The following CPXM2 variants were observed in gnomAD, a reference collection of about 807,000 sequenced individuals.
CPXM2 encodes inactive carboxypeptidase-like protein X2.
A neutral mutation model predicts 86.1 loss-of-function variants in CPXM2; 66 were observed. That is an observed-to-expected ratio of 0.77 (90% CI 0.63 to 0.94). The LOEUF is 0.94. Among genes scored for constraint, CPXM2 ranks in the 40% least tolerant of loss-of-function variants. CPXM2 has a pLI of 0.00. For synonymous variants in CPXM2, 388 were observed against 400.2 expected (o/e 0.97, Z 0.36); for missense variants, 948 against 1,026.3 (o/e 0.92, Z 1.04).
intron 6 of CPXM2, among the ~76,000 whole-genome samples, chr10:123,787,481 C>T (rs1027771603): frequency 2.6e-5 from 4 of 152,096 alleles, no homozygotes; most frequent in Admixed American, 1.3e-4. Context: ...TTACAGGCAC[C>T]CACCACCACG....
intron 2 of CPXM2, among the ~76,000 whole-genome samples, chr10:123,898,755 C>A (rs759360722): frequency 1.1e-3 from 161 of 152,166 alleles, no homozygotes; most frequent in Non-Finnish European, 1.8e-3. Flanking sequence ...CTTTCTTTTT[C>A]TTTTTTAAGA....
upstream of CPXM2, among the ~76,000 whole-genome samples, chr10:123,942,396 C>G (rs771957424): frequency 9.2e-5 from 14 of 152,082 alleles, no homozygotes; most frequent in Non-Finnish European, 1.8e-4. Context: ...TCACAAAGAC[C>G]CCGCTAATGA....
At chr10:123,763,103 G>C (rs759945554) in intron 10 of CPXM2, among the ~76,000 whole-genome samples, 4 of 152,028 alleles carry the variant, frequency 2.6e-5, no homozygotes, top group Admixed American at 2.0e-4. Context: ...GCAGTGGCGC[G>C]ATCTTGGCTC....
chr10:123,920,061 C>G (rs998457278), intron 2 of CPXM2, among the ~76,000 whole-genome samples: 1 of 152,190 alleles, frequency 6.6e-6, no homozygotes, highest in South Asian at 2.1e-4. Flanking sequence ...CCTTTTCCAA[C>G]AGCAGGGGAT....
chr10:123,944,077 C>T (rs1323771441), upstream of CPXM2, among the ~76,000 whole-genome samples: 1 of 152,194 alleles, frequency 6.6e-6, no homozygotes, highest in Non-Finnish European at 1.5e-5. Context: ...ATGATGTTTG[C>T]AAAGGCCCCG....
At chr10:123,752,533 A>G (rs1253143138) in intron 13 of CPXM2, 1 of 985,332 alleles carries the variant, frequency 1.0e-6, no homozygotes, top group African/African-American at 1.7e-5. Flanking sequence ...AATGAAGGAT[A>G]CATGGGCCAG....
chr10:123,849,280 C>A (rs75488368), intron 3 of CPXM2, among the ~76,000 whole-genome samples: 1 of 152,022 alleles, frequency 6.6e-6, no homozygotes, highest in African/African-American at 2.4e-5. Flanking sequence ...CTAAGTCTTA[C>A]GTAACATACT....
chr10:123,773,552 A>G (rs1846707746), intron 7 of CPXM2, among the ~76,000 whole-genome samples: 1 of 152,154 alleles, frequency 6.6e-6, no homozygotes, highest in Non-Finnish European at 1.5e-5. Flanking sequence ...AAATACATGT[A>G]TCTTAATATC....
At chr10:123,784,312 C>G (rs886232048) in intron 6 of CPXM2, among the ~76,000 whole-genome samples, 2 of 152,152 alleles carry the variant, frequency 1.3e-5, no homozygotes, top group Admixed American at 6.5e-5. Flanking sequence ...TCCCTGACAG[C>G]CCCAGAAGAA....
intron 13 of CPXM2, among the ~76,000 whole-genome samples, chr10:123,748,400 C>T (rs745366557): frequency 2.0e-5 from 3 of 152,156 alleles, no homozygotes; most frequent in South Asian, 2.1e-4. Context: ...TGTAAATATA[C>T]GTCTCCCACA....
chr10:123,863,838 G>A lies in CPXM2; in HGVS notation c.404-1115C>T, dbSNP rs528162107. Among the ~76,000 whole-genome samples the A allele has an allele frequency of 3.2e-3, 480 of 152,198 alleles. 4 individuals are homozygous for A. The highest frequency in any genetic ancestry group is 5.6e-3 in the Non-Finnish European group (378 of 67,986). On this transcript the variant is annotated intron_variant, in intron 2 of 13. Coordinates refer to ENST00000241305, the MANE Select transcript of CPXM2 (RefSeq NM_198148.3). ...CTGAGACAGCTGGGAGCCTGGGCCC[G>A]TGCCCTTCACTCTCACCTCAGGACA...
intron 4 of CPXM2, among the ~76,000 whole-genome samples, chr10:123,814,860 C>T (rs1264837338): frequency 6.6e-6 from 1 of 152,036 alleles, no homozygotes; most frequent in Non-Finnish European, 1.5e-5. Context: ...CCCATCTCTA[C>T]TAAAAAATAC....
intron 6 of CPXM2, among the ~76,000 whole-genome samples, chr10:123,780,960 A>G (rs1049928656): frequency 6.6e-6 from 1 of 152,180 alleles, no homozygotes; most frequent in African/African-American, 2.4e-5. Flanking sequence ...AAGAATACAG[A>G]AGCATGTTGC....
intron 2 of CPXM2, among the ~76,000 whole-genome samples, chr10:123,923,103 C>A (rs1482002085): frequency 1.3e-5 from 2 of 152,108 alleles, no homozygotes; most frequent in Non-Finnish European, 2.9e-5. Flanking sequence ...AAAATTGCCA[C>A]AAGGACACAA....
At chr10:123,909,192 G>C (rs1029987543) in intron 2 of CPXM2, among the ~76,000 whole-genome samples, 5 of 152,130 alleles carry the variant, frequency 3.3e-5, no homozygotes, top group Admixed American at 6.6e-5. Context: ...CGGGACACGG[G>C]CTTCCCTCCA....
At chr10:123,832,916 G>C (rs113445638) in intron 4 of CPXM2, among the ~76,000 whole-genome samples, 1 of 151,996 alleles carries the variant, frequency 6.6e-6, no homozygotes, top group Admixed American at 6.5e-5. Flanking sequence ...GCGAGCACCT[G>C]AGCGTCTTTT....
intron 4 of CPXM2, among the ~76,000 whole-genome samples, chr10:123,827,084 G>A (rs1443559237): frequency 2.6e-5 from 4 of 152,072 alleles, no homozygotes; most frequent in Non-Finnish European, 4.4e-5. Context: ...TCAAGCATTC[G>A]TGGAGCATTC....
chr10:123,802,040 T>A (rs978163659), intron 4 of CPXM2, among the ~76,000 whole-genome samples: 3 of 152,132 alleles, frequency 2.0e-5, no homozygotes, highest in African/African-American at 7.2e-5. Context: ...ATCTCACAGA[T>A]GGAGGAAGGA....
chr10:123,852,560 C>T (rs1051975228), intron 3 of CPXM2, among the ~76,000 whole-genome samples: 1 of 152,228 alleles, frequency 6.6e-6, no homozygotes, highest in South Asian at 2.1e-4. Flanking sequence ...ATGTAAGCCA[C>T]AGCATGTCAT....
Sources: allele counts gnomAD v4.1 joint callset (sites outside exome capture counted in the v4.1 genomes callset), GRCh38; gene constraint gnomAD v4.1.1; transcripts MANE v1.5; gene names NCBI Gene and HGNC (gene_info 2026-07-23, HGNC 2026-07-21).